Variants in MYH9 observed in about 807,000 individuals in gnomAD.
The protein encoded by MYH9 is myosin-9.
Under a neutral mutation model 241.9 loss-of-function variants are expected in MYH9, and 29 were observed. That is an observed-to-expected ratio of 0.12 (90% CI 0.09 to 0.16). The LOEUF is 0.16. Among genes scored for constraint, MYH9 ranks in the 10% least tolerant of loss-of-function variants. The pLI is 1.00. For synonymous variants in MYH9, 1,047 were observed against 1,062.6 expected, an observed-to-expected ratio of 0.99 and a Z score of 0.29; for missense variants, 1,803 against 2,595.5, an observed-to-expected ratio of 0.69 and a Z score of 6.63.
At chr22:36,339,100 A>C (rs1211179988) in intron 3 of MYH9, among the ~76,000 whole-genome samples, 4 of 152,212 alleles carry the variant, frequency 2.6e-5, no homozygotes, top group African/African-American at 9.6e-5. Context: ...ACAAATAAAA[A>C]TTGAATGAAT....
In MYH9 at chr22:36,289,238, C is replaced by A; in HGVS notation, c.4404G>T (p.Glu1468Asp). 6.2e-7 allele frequency: 1 copy of A among 1,613,058 alleles called. No individual in the cohort carries two copies. The highest frequency in any genetic ancestry group is 8.5e-7 in the Non-Finnish European group (1 of 1,180,012). ...TGGTCTCCTTCTCTCGGGCCTCCGC[C>A]TCAGCCCGGTCGCGCTCCTCTGCAT... is the stretch of plus-strand genomic sequence containing the variant. ...AKYAEERDRA[E>D]AEAREKETKA... The change falls in exon 32 of 41, where the codon GAG becomes GAT. Residue 1468 changes from glutamate (E) to aspartate (D), a missense_variant. Coordinates refer to ENST00000216181, the MANE Select transcript of MYH9 (RefSeq NM_002473.6).
In MYH9 at chr22:36,385,160, G is replaced by GT. The variant is rs1261355153; in HGVS notation, c.-20+2646dup. On this transcript the variant is annotated intron_variant, in intron 1 of 40. Transcript: ENST00000216181. ...TTGGGAGGAAGCTGTCAAGGCACGGGTTTTTTTTTTTCTCTCTCTCTCTTT... is the reference window on the plus strand; with the variant it reads ...TTGGGAGGAAGCTGTCAAGGCACGGGTTTTTTTTTTTTCTCTCTCTCTCTTT... Among the ~76,000 whole-genome samples, 1,418 of 145,442 alleles carry GT rather than the reference G, an allele frequency of 9.7e-3. 27 individuals carry two copies. Among genetic ancestry groups the GT allele is most frequent in the African/African-American group, 0.03 (1,170 of 39,248 alleles).
Position 36,282,747 on chromosome 22 carries a change from G to A in MYH9, c.5804C>T (p.Ala1935Val), listed in dbSNP as rs1362216513. ...GGAGCCATCCCCGGCGCCTTTCCGG[G>A]CCATTCGGCGGGGCACGACAAACGG... Reference protein sequence around the residue: ...DLPFVVPRRMARKGAGDGSDE... With the variant: ...DLPFVVPRRMVRKGAGDGSDE... Residue 1935 changes from alanine (A) to valine (V), a missense_variant, in exon 41 of 41, where the codon GCC becomes GTC. Around this residue, in one of 11 missense-constraint regions of MYH9, gnomAD observed 876 missense variants for 1,077.8 expected, o/e 0.81. Coordinates refer to ENST00000216181, the MANE Select transcript of MYH9 (RefSeq NM_002473.6). 1 of 1,613,420 alleles carries A rather than the reference G, an allele frequency of 6.2e-7. No individual in the cohort carries two copies. The highest frequency in any genetic ancestry group is 8.5e-7 in the Non-Finnish European group (1 of 1,179,998).
intron 1 of MYH9, among the ~76,000 whole-genome samples, chr22:36,370,365 T>C (rs189299896): frequency 6.6e-6 from 1 of 152,304 alleles, no homozygotes; most frequent in East Asian, 1.9e-4. Flanking sequence ...CTAGTATGAA[T>C]ATCCTCACCT....
At position 36,295,791 on chromosome 22, in the gene MYH9, G is replaced by T; in HGVS notation, c.3273-74C>A. On this transcript the variant is annotated intron_variant, in intron 25 of 40. Coordinates refer to ENST00000216181, the MANE Select transcript of MYH9 (RefSeq NM_002473.6). This position sits in a 1 kb window ranked among gnomAD's most constrained non-coding sequence, Gnocchi z 4.1. Reference sequence around the variant, plus strand: ...GGAGCAGAGTTTGCAGGACAGGCCTGAGAGAGCTGCAGCAGCCAAAGCTGC... The same window carrying T: ...GGAGCAGAGTTTGCAGGACAGGCCTTAGAGAGCTGCAGCAGCCAAAGCTGC... 7.1e-7 allele frequency: 1 copy of T among 1,417,608 alleles called. No individual in the cohort carries two copies. The highest frequency in any genetic ancestry group is 9.7e-7 in the Non-Finnish European group (1 of 1,028,338). 87.8% of individuals were successfully genotyped at this position (1,417,608 alleles called of 1,614,324 possible).
In MYH9 at chr22:36,288,113, TG is replaced by T; in HGVS notation, c.4932+138del. On this transcript the variant is annotated intron_variant, in intron 34 of 40. Coordinates refer to ENST00000216181, the MANE Select transcript of MYH9 (RefSeq NM_002473.6). The surrounding 1 kb of genome is among the most constrained non-coding windows in gnomAD (Gnocchi z 4.8). ...AGCCTCTGAGTCTCTGTCAGTGAGA[TG>T]GGGCTGGAAGCACCCAGGACCTTCC... 1.0e-6 allele frequency: 1 copy of T among 995,098 alleles called. No individual in the cohort carries two copies. Among genetic ancestry groups the T allele is most frequent in the Non-Finnish European group, 1.5e-6 (1 of 652,180 alleles). The allele number at this position is 995,098 out of a possible 1,614,324, so 61.6% of individuals were successfully genotyped here. A position where few individuals can be genotyped will look rare whatever the true frequency, so the allele number is the denominator to read the frequency against.
intron 15 of MYH9, 125 bp downstream of exon 15, chr22:36,309,157 G>T: frequency 2.4e-6 from 2 of 838,488 alleles, no homozygotes; most frequent in South Asian, 1.4e-5. Context: ...AGAGGGCAGA[G>T]ACCACCTGGC....
At chr22:36,294,811 T>A in intron 27 of MYH9, 121 bp downstream of exon 27, 1 of 1,375,678 alleles carries the variant, frequency 7.3e-7, no homozygotes, top group Non-Finnish European at 1.0e-6. Flanking sequence ...AAGGGGAGCC[T>A]GGCCTCAGAA....
intron 1 of MYH9, among the ~76,000 whole-genome samples, chr22:36,384,857 T>C (rs1346533886): frequency 6.6e-6 from 1 of 151,694 alleles, no homozygotes; most frequent in Non-Finnish European, 1.5e-5. Context: ...TTCTTTCCAC[T>C]ACCCCACTCT....
intron 1 of MYH9, among the ~76,000 whole-genome samples, chr22:36,350,765 C>T (rs1489639609): frequency 3.9e-5 from 6 of 152,164 alleles, no homozygotes; most frequent in Admixed American, 3.9e-4. Context: ...ACGACTAACA[C>T]CATCGTTATT....
chr22:36,363,158 T>TCATAGTACGAATTACC (rs1389108691), intron 1 of MYH9, among the ~76,000 whole-genome samples: 1 of 152,124 alleles, frequency 6.6e-6, no homozygotes, highest in Non-Finnish European at 1.5e-5. Flanking sequence ...TATGAATTAC[T>TCATAGTACGAATTACC]CATAGTATGA....
intron 2 of MYH9, among the ~76,000 whole-genome samples, chr22:36,345,193 TC>T (rs2017657983): frequency 6.6e-6 from 1 of 151,552 alleles, no homozygotes; most frequent in African/African-American, 2.4e-5. Context: ...GTGCCTGTAG[TC>T]CCAGCTACTC....
Position 36,285,703 on chromosome 22 carries a change from G to A in MYH9, c.5229C>T (p.Gly1743=). 6.2e-7 allele frequency: 1 copy of A among 1,613,066 alleles called. No homozygotes were observed. The highest frequency in any genetic ancestry group is 8.5e-7 in the Non-Finnish European group (1 of 1,179,982). The part of the protein sequence containing the change: ...QLEEELEEEQ[G]NTELINDRLK... Reference sequence around the variant, plus strand: ...GCCGGTCGTTGATCAGCTCCGTGTTGCCCTGCTCCTCCTCCAGCTCCTCCT... The same window carrying A: ...GCCGGTCGTTGATCAGCTCCGTGTTACCCTGCTCCTCCTCCAGCTCCTCCT... Residue 1743 remains glycine, a synonymous_variant, in exon 37 of 41, where the codon GGC becomes GGT. Transcript: ENST00000216181. This position sits in a 1 kb window ranked among gnomAD's most constrained non-coding sequence, Gnocchi z 7.0.
intron 1 of MYH9, among the ~76,000 whole-genome samples, chr22:36,365,806 A>G (rs1343366324): frequency 6.6e-6 from 1 of 152,322 alleles, no homozygotes; most frequent in East Asian, 1.9e-4. Context: ...AAATACAAAC[A>G]TGTCTAACAA....
At chr22:36,350,467 GC>G (rs751014052) in intron 1 of MYH9, among the ~76,000 whole-genome samples, 3 of 152,216 alleles carry the variant, frequency 2.0e-5, no homozygotes, top group Non-Finnish European at 2.9e-5. Flanking sequence ...AACCCAGGAG[GC>G]GGGGGTTGTG....
At chr22:36,344,981 C>T (rs1182665145) in intron 2 of MYH9, among the ~76,000 whole-genome samples, 3 of 152,214 alleles carry the variant, frequency 2.0e-5, no homozygotes, top group Non-Finnish European at 4.4e-5. Flanking sequence ...GGCCCCCAGG[C>T]CTTGCCCCGA....
chr22:36,299,646 G>A (rs764079190), intron 23 of MYH9, among the ~76,000 whole-genome samples: 1 of 152,160 alleles, frequency 6.6e-6, no homozygotes, highest in Non-Finnish European at 1.5e-5. Flanking sequence ...TGGGGAGGCT[G>A]CCTTCTCCTG....
chr22:36,370,382 C>G (rs2018071119), intron 1 of MYH9, among the ~76,000 whole-genome samples: 1 of 152,222 alleles, frequency 6.6e-6, no homozygotes, highest in Non-Finnish European at 1.5e-5. Flanking sequence ...ACCTGTTTCT[C>G]AAGCATGTAT....
intron 1 of MYH9, among the ~76,000 whole-genome samples, chr22:36,351,669 G>A (rs185733372): frequency 9.2e-5 from 14 of 151,876 alleles, no homozygotes; most frequent in Non-Finnish European, 1.9e-4. Flanking sequence ...TCCCCATCGC[G>A]CCCCTGCCCT....
Sources: gnomAD v4.1 joint callset for allele counts (sites outside exome capture counted in the v4.1 genomes callset) on GRCh38, gnomAD v4.1.1 for gene constraint, gnomAD v4.1.1 regional missense constraint, Gnocchi (gnomAD v3.1) non-coding constraint, MANE v1.5 for transcripts, NCBI Gene and HGNC (gene_info 2026-07-23, HGNC 2026-07-21) for gene names.